Variants in BBS5 observed in about 807,000 individuals in gnomAD.
BBS5 encodes BBSome complex member BBS5.
A neutral mutation model predicts 50.2 loss-of-function variants in BBS5; 39 were observed. The observed-to-expected ratio is 0.78, with a 90% CI of 0.60 to 1.01. The LOEUF (loss-of-function observed/expected upper bound fraction) is 1.01. BBS5 is among the 50% of genes least tolerant of loss of function. The pLI is 0.00. For missense variants in BBS5, 356 were observed against 401.5 expected (o/e 0.89, Z 0.97); for synonymous variants, 134 against 133.1 (o/e 1.01, Z -0.05).
Position 169,479,500 on chromosome 2 carries a change from A to T in BBS5, c.-54A>T, listed in dbSNP as rs1683344155. 1.0e-5 allele frequency: 16 copies of T among 1,599,416 alleles called. No homozygotes were observed. The highest frequency in any genetic ancestry group is 2.2e-5 in the South Asian group (2 of 90,402). Reference sequence around the variant, plus strand: ...GGCCCGTTGCCTTGGAGCCAGAGAGACGCAGCTAGGCCTGCACGGCTGTGG... The same window carrying T: ...GGCCCGTTGCCTTGGAGCCAGAGAGTCGCAGCTAGGCCTGCACGGCTGTGG... On this transcript the variant is annotated 5_prime_UTR_variant, in exon 1 of 12. Transcript: ENST00000295240.
In BBS5 at chr2:169,479,624, AG is replaced by A. The variant is rs746306254; in HGVS notation, c.59+13del. 2.2e-5 allele frequency: 36 copies of A among 1,613,964 alleles called. No homozygotes were observed. In the South Asian group the frequency reaches 3.8e-4, roughly 17 times the overall value. On this transcript the variant is annotated intron_variant, in intron 1 of 11. Transcript: ENST00000295240. ...GACCTGTCCGCGCAGTGAGTTTCCA[AG>A]ATTCCCGAGGGATCTTCAACCCTGT... is the stretch of plus-strand genomic sequence containing the variant.
intron 5 of BBS5, among the ~76,000 whole-genome samples, chr2:169,491,166 C>T (rs976278744): frequency 6.6e-6 from 1 of 152,112 alleles, no homozygotes; most frequent in African/African-American, 2.4e-5. Context: ...TTTCAGTTCT[C>T]TTGGGCATAT....
At chr2:169,479,690 G>A in intron 1 of BBS5, 78 bp downstream of exon 1, 1 of 1,496,040 alleles carries the variant, frequency 6.7e-7, no homozygotes, top group Non-Finnish European at 9.3e-7. Flanking sequence ...CGCGGGCGGA[G>A]ACTGCACCTC....
chr2:169,482,290 T>C lies in BBS5; in HGVS notation c.99T>C (p.Cys33=), dbSNP rs1273621292. 1.2e-6 allele frequency: 2 copies of C among 1,610,386 alleles called. No homozygotes were observed. The highest frequency in any genetic ancestry group is 2.2e-5 in the East Asian group (1 of 44,804). ...GACCTGGAGAAGTCCTTATTGATTG[T>C]TTAGATTCCATTGAAGACACCAAAG... ...KTRPGEVLID[C]LDSIEDTKGN... The change falls in exon 2 of 12, where the codon TGT becomes TGC. Residue 33 remains cysteine, a synonymous_variant. Coordinates refer to ENST00000295240, the MANE Select transcript of BBS5 (RefSeq NM_152384.3).
intron 2 of BBS5, among the ~76,000 whole-genome samples, chr2:169,485,135 T>C (rs1683467188): frequency 6.6e-6 from 1 of 152,186 alleles, no homozygotes; most frequent in Admixed American, 6.5e-5. Context: ...ATAGATGTCC[T>C]GAGCCCATAG....
chr2:169,488,891 T>A (rs899767753), intron 5 of BBS5, among the ~76,000 whole-genome samples: 5 of 152,202 alleles, frequency 3.3e-5, no homozygotes, highest in Admixed American at 2.6e-4. Context: ...TTAATTAATT[T>A]AAAAGGTTAT....
chr2:169,482,257 G>A lies in BBS5; in HGVS notation c.66G>A (p.Met22Ile). Reference protein sequence around the residue: ...DVRFDLSAQQMKTRPGEVLID... With the variant: ...DVRFDLSAQQIKTRPGEVLID... ...ACCTTTATATTCACTTTAGGCAAAT[G>A]AAAACAAGACCTGGAGAAGTCCTTA... Residue 22 changes from methionine to isoleucine, a missense_variant, in exon 2 of 12, where the codon ATG (methionine) becomes ATA (isoleucine). By Grantham distance (10) the Met-to-Ile change is conservative. Transcript: ENST00000295240. 2 of 1,606,872 alleles carry A rather than the reference G, an allele frequency of 1.2e-6. No homozygotes were observed. The highest frequency in any genetic ancestry group is 1.7e-6 in the Non-Finnish European group (2 of 1,173,500).
At chr2:169,492,652 G>T (rs1372824402) in intron 5 of BBS5, among the ~76,000 whole-genome samples, 1 of 152,180 alleles carries the variant, frequency 6.6e-6, no homozygotes, top group African/African-American at 2.4e-5. Context: ...GCTGAGCCAG[G>T]AGTATCACTT....
At chr2:169,502,989 T>C (rs540889194) in intron 9 of BBS5, 106 bp from the exon 10 acceptor site, 13 of 843,480 alleles carry the variant, frequency 1.5e-5, no homozygotes, top group Middle Eastern at 2.2e-4. Context: ...TACCGTGATT[T>C]TTATAAGACT....
chr2:169,499,752 G>A, intron 9 of BBS5, 132 bp downstream of exon 9: 1 of 932,952 alleles, frequency 1.1e-6, no homozygotes, highest in Non-Finnish European at 1.7e-6. Context: ...TTCTGCTCAA[G>A]TGGGCATAGC....
At chr2:169,493,438 T>C (rs1261472739) in intron 6 of BBS5, among the ~76,000 whole-genome samples, 1 of 152,210 alleles carries the variant, frequency 6.6e-6, no homozygotes, top group Non-Finnish European at 1.5e-5. Context: ...AGGCACTGTG[T>C]TAGGATTGAT....
At position 169,487,114 on chromosome 2, in the gene BBS5, C is replaced by A; in HGVS notation, c.188C>A (p.Ala63Glu). Residue 63 changes from alanine (A) to glutamate (E), a missense_variant, in exon 3 of 12, where the codon GCA becomes GAA. Physicochemically the swap from Ala to Glu is moderately radical, Grantham distance 107. Coordinates refer to ENST00000295240, the MANE Select transcript of BBS5 (RefSeq NM_152384.3). ...TTAAGAATTCTCTGGCACTCTTTGG[C>A]ATTATCAAGAGTCAATGTTTGTAAG... ...TNLRILWHSL[A>E]LSRVNVSVGY... The A allele has an allele frequency of 6.2e-7, 1 of 1,610,404 alleles. No homozygotes were observed. The highest frequency in any genetic ancestry group is 8.5e-7 in the Non-Finnish European group (1 of 1,177,140).
chr2:169,490,864 T>C lies in BBS5; in HGVS notation c.387-2010T>C, dbSNP rs1263190679. On this transcript the variant is annotated intron_variant, in intron 5 of 11. Transcript: ENST00000295240. The stretch of plus-strand genomic sequence containing the variant: ...ACCTCTAACTTACTTTGTGTCTATA[T>C]GGATTTGCCTGTTCTGGAAATTTTA... 8.5e-5 allele frequency among the ~76,000 whole-genome samples: 13 copies of C among 152,336 alleles called. No homozygotes were observed. In the East Asian group the frequency reaches 2.3e-3, roughly 27 times the overall value.
At chr2:169,498,368 A>G (rs1449814897) in intron 8 of BBS5, among the ~76,000 whole-genome samples, 2 of 152,158 alleles carry the variant, frequency 1.3e-5, no homozygotes, top group Non-Finnish European at 2.9e-5. Flanking sequence ...CTAAATTTAA[A>G]CATGAATGTC....
rs779519886 is a variant in BBS5, at chr2:169,504,555, A to G, written c.999A>G (p.Leu333=). 15 of 1,613,404 alleles carry G rather than the reference A, an allele frequency of 9.3e-6. No individual in the cohort carries two copies. Among genetic ancestry groups the G allele is most frequent in the Middle Eastern group, 3.3e-4 (2 of 6,060 alleles). The change falls in exon 12 of 12, where the codon CTA becomes CTG. Residue 333 remains leucine, a synonymous_variant. Transcript: ENST00000295240. ...AIEKLKDGFT[L]QGLWEVMS ...AGAAATTGAAGGATGGATTCACCCT[A>G]CAGGGACTTTGGGAAGTAATGAGTT...
chr2:169,503,064 C>G (rs1459909905), intron 9 of BBS5, 31 bp from the exon 10 acceptor site: 1 of 1,525,558 alleles, frequency 6.6e-7, no homozygotes, highest in Admixed American at 1.7e-5. Context: ...AATATTGTCT[C>G]TGATGCATTT....
chr2:169,491,301 C>G (rs78065018), intron 5 of BBS5, among the ~76,000 whole-genome samples: 2 of 152,040 alleles, frequency 1.3e-5, no homozygotes, highest in African/African-American at 4.8e-5. Context: ...TGCTTCCCCC[C>G]CAAAATAATT....
At chr2:169,493,903 T>A in intron 7 of BBS5, 67 bp downstream of exon 7, 8 of 1,107,572 alleles carry the variant, frequency 7.2e-6, no homozygotes, top group Non-Finnish European at 1.1e-5. Flanking sequence ...AATAGTTAAT[T>A]GGACTTTTAG....
chr2:169,500,858 C>T (rs1299915828), intron 9 of BBS5, among the ~76,000 whole-genome samples: 2 of 152,184 alleles, frequency 1.3e-5, no homozygotes, highest in Non-Finnish European at 2.9e-5. Flanking sequence ...GTCTCCCTTT[C>T]ACTCTGCCTT....
Sources: gnomAD v4.1 joint callset for allele counts (sites outside exome capture counted in the v4.1 genomes callset) on GRCh38, gnomAD v4.1.1 for gene constraint, MANE v1.5 for transcripts, NCBI Gene and HGNC (gene_info 2026-07-23, HGNC 2026-07-21) for gene names.